Variants in ACTR6 observed in about 807,000 individuals in gnomAD.
ACTR6 encodes actin-related protein 6.
A neutral mutation model predicts 52.5 loss-of-function variants in ACTR6; 50 were observed. The observed-to-expected ratio is 0.95, with a 90% CI of 0.76 to 1.20. The LOEUF is 1.20. Ranked by LOEUF, ACTR6 falls within the 50% of genes most tolerant of loss-of-function variation. ACTR6 has a pLI of 0.00. For synonymous variants in ACTR6, 135 were observed against 147.2 expected (o/e 0.92, Z 0.60); for missense variants, 344 against 472.4 (o/e 0.73, Z 2.52).
intron 10 of ACTR6, 39 bp downstream of exon 10, chr12:100,220,185 C>T (rs1173050025): frequency 2.5e-6 from 4 of 1,575,576 alleles, no homozygotes; most frequent in African/African-American, 2.7e-5. Context: ...CATGGAAGTC[C>T]ACATGTAGAA....
Position 100,218,368 on chromosome 12 carries a change from T to G in ACTR6, c.751-47T>G. The G allele has an allele frequency of 1.7e-5, 24 of 1,411,516 alleles. No homozygotes were observed. The highest frequency in any genetic ancestry group is 2.1e-5 in the Non-Finnish European group (22 of 1,029,788). The allele number at this position is 1,411,516 out of a possible 1,614,324, so 87.4% of individuals were successfully genotyped here. ...TGCATATTACTAATTATTAGTCATGTGAGCTAGATAATATAACTTAAACTT... is the reference window on the plus strand; with the variant it reads ...TGCATATTACTAATTATTAGTCATGGGAGCTAGATAATATAACTTAAACTT... On this transcript the variant is annotated intron_variant, in intron 8 of 10. Transcript: ENST00000188312. The surrounding 1 kb of genome is among the most constrained non-coding windows in gnomAD (Gnocchi z 4.2).
chr12:100,217,932 G>C (rs1291806810), intron 8 of ACTR6, among the ~76,000 whole-genome samples: 1 of 152,160 alleles, frequency 6.6e-6, no homozygotes, highest in Non-Finnish European at 1.5e-5. Context: ...CTAGAAACTA[G>C]AATCATTGTA....
At position 100,210,076 on chromosome 12, in the gene ACTR6, G is replaced by T; in HGVS notation, c.383G>T (p.Gly128Val). 2 of 1,567,712 alleles carry T rather than the reference G, an allele frequency of 1.3e-6. No homozygotes were observed. Among genetic ancestry groups the T allele is most frequent in the South Asian group, 1.2e-5 (1 of 82,480 alleles). Residue 128 changes from glycine (G) to valine (V), a missense_variant, in exon 5 of 11, where the codon GGG becomes GTG. Transcript: ENST00000188312. ...QFQAVLRVNA[G>V]ALSAHRYFRD... ...TTTTTTATCTTTTTTTAAATAGCTG[G>T]GGCTCTCAGTGCACATAGGTATTTC...
chr12:100,200,993 C>A, intron 1 of ACTR6, 74 bp downstream of exon 1: 1 of 1,610,048 alleles, frequency 6.2e-7, no homozygotes, highest in Admixed American at 1.7e-5. Flanking sequence ...CATCTCCGGA[C>A]ATCAATGAAC....
chr12:100,208,345 A>G (rs1237291632), intron 4 of ACTR6, among the ~76,000 whole-genome samples: 1 of 151,576 alleles, frequency 6.6e-6, no homozygotes, highest in Non-Finnish European at 1.5e-5. Flanking sequence ...TGATGGAGCA[A>G]TCTCTGCTCA....
At chr12:100,214,279 C>G (rs1332032949) in intron 8 of ACTR6, among the ~76,000 whole-genome samples, 1 of 152,038 alleles carries the variant, frequency 6.6e-6, no homozygotes, top group South Asian at 2.1e-4. Flanking sequence ...TTACATTAAG[C>G]TGGTTGGTGA....
At chr12:100,205,432 A>T in intron 2 of ACTR6, 1 of 314,698 alleles carries the variant, frequency 3.2e-6, no homozygotes, top group Non-Finnish European at 5.7e-6. Flanking sequence ...TTCATACAGC[A>T]GTATACCTAT....
chr12:100,205,597 T>A, intron 2 of ACTR6, 79 bp from the exon 3 acceptor site: 1 of 870,358 alleles, frequency 1.1e-6, no homozygotes, highest in South Asian at 2.2e-5. Context: ...TTTTTAAAAA[T>A]TATTCAAATA....
In ACTR6 at chr12:100,210,354, G is replaced by C. The variant is rs764171297; in HGVS notation, c.572+3G>C. The C allele has an allele frequency of 3.7e-6, 6 of 1,613,538 alleles. No individual in the cohort carries two copies. In the South Asian group the frequency reaches 4.4e-5, roughly 12 times the overall value. ...CTAAAGGAGATCATATCTTACAGGTGATGCTTAGCTTTGATTCTTTGGGAG... is the reference window on the plus strand; with the variant it reads ...CTAAAGGAGATCATATCTTACAGGTCATGCTTAGCTTTGATTCTTTGGGAG... On this transcript the variant is annotated splice_donor_region_variant and intron_variant, in intron 6 of 10. Coordinates refer to ENST00000188312, the MANE Select transcript of ACTR6 (RefSeq NM_022496.5).
intron 1 of ACTR6, among the ~76,000 whole-genome samples, chr12:100,202,221 G>A (rs2153899775): frequency 6.6e-6 from 1 of 152,194 alleles, no homozygotes. Context: ...GTGAGCCACC[G>A]CACCGGGCCA....
At chr12:100,223,679 C>CAA in intron 10 of ACTR6, 107 bp from the exon 11 acceptor site, 2 of 1,387,996 alleles carry the variant, frequency 1.4e-6, no homozygotes, top group Non-Finnish European at 2.0e-6. Context: ...ATTTTAATGG[C>CAA]AAAAAAAACA....
chr12:100,202,692 A>G (rs1193931525), intron 1 of ACTR6, among the ~76,000 whole-genome samples: 1 of 152,048 alleles, frequency 6.6e-6, no homozygotes, highest in East Asian at 1.9e-4. Context: ...CCCTGTCTCT[A>G]CTAAAAATAC....
intron 3 of ACTR6, among the ~76,000 whole-genome samples, chr12:100,207,307 C>T (rs1193574308): frequency 5.9e-5 from 9 of 151,884 alleles, no homozygotes; most frequent in Admixed American, 4.6e-4. Flanking sequence ...TAGCCTCAAG[C>T]AATCCTTCCA....
chr12:100,212,919 A>T (rs2096120982), intron 8 of ACTR6, among the ~76,000 whole-genome samples: 2 of 150,536 alleles, frequency 1.3e-5, no homozygotes. Context: ...AGGCAGGAGA[A>T]TCACTTGAAC....
rs537532459 is a variant in ACTR6, at chr12:100,216,934, T to A, written c.751-1481T>A. 1.8e-4 allele frequency among the ~76,000 whole-genome samples: 27 copies of A among 152,350 alleles called. 2 individuals are homozygous for A. The highest frequency in any genetic ancestry group is 1.8e-3 in the Admixed American group (27 of 15,296). ...ATAATTTTCAGGATATTTTTTATTTTAGAATAATGTTTTGAGCATGGAATT... is the reference window on the plus strand; with the variant it reads ...ATAATTTTCAGGATATTTTTTATTTAAGAATAATGTTTTGAGCATGGAATT... On this transcript the variant is annotated intron_variant, in intron 8 of 10. Transcript: ENST00000188312.
chr12:100,207,038 G>A lies in ACTR6; in HGVS notation c.256-625G>A, dbSNP rs113635066. Among the ~76,000 whole-genome samples the A allele has an allele frequency of 2.8e-3, 420 of 151,558 alleles. 1 individual carries two copies. Among genetic ancestry groups the A allele is most frequent in the African/African-American group, 9.7e-3 (403 of 41,338 alleles). On this transcript the variant is annotated intron_variant, in intron 3 of 10. Transcript: ENST00000188312. Reference sequence around the variant, plus strand: ...AATATTTGTTGTATCATTCATTAATGTTTCTATAATTGTCTTTAAACAATT... The same window carrying A: ...AATATTTGTTGTATCATTCATTAATATTTCTATAATTGTCTTTAAACAATT...
intron 1 of ACTR6, among the ~76,000 whole-genome samples, chr12:100,202,544 C>T (rs184645259): frequency 1.3e-5 from 2 of 152,068 alleles, no homozygotes; most frequent in African/African-American, 4.8e-5. Context: ...CATTTGTATG[C>T]ATACATGTGT....
intron 10 of ACTR6, among the ~76,000 whole-genome samples, chr12:100,222,015 C>T (rs1175563078): frequency 2.0e-5 from 3 of 151,252 alleles, no homozygotes; most frequent in African/African-American, 4.9e-5. Flanking sequence ...AGTGCAGTGG[C>T]GCAGTCTTGG....
intron 6 of ACTR6, among the ~76,000 whole-genome samples, chr12:100,210,799 A>T (rs2096119282): frequency 6.6e-6 from 1 of 152,022 alleles, no homozygotes; most frequent in Non-Finnish European, 1.5e-5. Flanking sequence ...TGTTTAACAC[A>T]TAAGTAGAAT....
Sources: allele counts gnomAD v4.1 joint callset (sites outside exome capture counted in the v4.1 genomes callset), GRCh38; gene constraint gnomAD v4.1.1; non-coding constraint Gnocchi (gnomAD v3.1); transcripts MANE v1.5; gene names NCBI Gene and HGNC (gene_info 2026-07-23, HGNC 2026-07-21).